FRMD4A: variants seen among roughly 807,000 people sequenced by gnomAD.
FRMD4A encodes the protein FERM domain-containing protein 4A.
FRMD4A carries 29 observed loss-of-function variants against 129.1 expected under a neutral mutation model. The observed-to-expected ratio is 0.22, with a 90% CI of 0.17 to 0.31. The LOEUF is 0.31. Among genes scored for constraint, FRMD4A ranks in the 10% least tolerant of loss-of-function variants. FRMD4A has a pLI of 1.00. For missense variants in FRMD4A, 1,272 were observed against 1,375.8 expected (o/e 0.92, Z 1.19); for synonymous variants, 634 against 571.6 (o/e 1.11, Z -1.56).
At chr10:14,151,364 C>T (rs868580526) in intron 2 of FRMD4A, among the ~76,000 whole-genome samples, 56 of 152,292 alleles carry the variant, frequency 3.7e-4, no homozygotes, top group African/African-American at 1.3e-3. Context: ...TGCAGCAACA[C>T]TGATGGAGCT....
chr10:13,895,831 A>G (rs1470162799), intron 2 of FRMD4A, among the ~76,000 whole-genome samples: 1 of 152,198 alleles, frequency 6.6e-6, no homozygotes, highest in Non-Finnish European at 1.5e-5. Flanking sequence ...AGAAAAAAAC[A>G]AACAAGCCCA....
intron 2 of FRMD4A, among the ~76,000 whole-genome samples, chr10:14,093,536 A>T (rs1028778627): frequency 1.3e-4 from 20 of 152,138 alleles, no homozygotes; most frequent in African/African-American, 3.6e-4. Flanking sequence ...GAAAACACAC[A>T]CTCACAATGC....
At chr10:13,893,647 G>T (rs935612818) in intron 2 of FRMD4A, among the ~76,000 whole-genome samples, 9 of 151,782 alleles carry the variant, frequency 5.9e-5, no homozygotes, top group East Asian at 1.9e-4. Context: ...TTAGCCTCCC[G>T]AGTAGCTGGG....
chr10:14,278,440 C>T (rs1417815057), intron 2 of FRMD4A, among the ~76,000 whole-genome samples: 2 of 152,158 alleles, frequency 1.3e-5, no homozygotes, highest in Non-Finnish European at 2.9e-5. Context: ...ATTTTGAAAA[C>T]ACTTATCAAA....
At chr10:14,019,419 C>A (rs544202872) in intron 2 of FRMD4A, among the ~76,000 whole-genome samples, 122 of 152,282 alleles carry the variant, frequency 8.0e-4, no homozygotes, top group African/African-American at 2.7e-3. Flanking sequence ...TAATGTATAA[C>A]ATTTCTCAGA....
chr10:13,910,888 G>GAAAAAAA (rs141449954), intron 2 of FRMD4A, among the ~76,000 whole-genome samples: 6 of 83,070 alleles, frequency 7.2e-5, no homozygotes, highest in African/African-American at 3.0e-4. Flanking sequence ...GGAGTTTCAT[G>GAAAAAAA]AAAAAAAAAA....
intron 23 of FRMD4A, 39 bp from the exon 24 acceptor site, chr10:13,652,013 T>G: frequency 9.1e-7 from 1 of 1,094,280 alleles, no homozygotes; most frequent in Non-Finnish European, 1.4e-6. Flanking sequence ...AGAAGAGAGG[T>G]CATGTTACAG....
intron 2 of FRMD4A, among the ~76,000 whole-genome samples, chr10:13,952,972 C>G (rs1157809540): frequency 6.6e-6 from 1 of 152,168 alleles, no homozygotes; most frequent in African/African-American, 2.4e-5. Context: ...GCTGGGATTA[C>G]AGGTGTGAGC....
At chr10:13,795,773 C>T (rs2093103478) in intron 5 of FRMD4A, among the ~76,000 whole-genome samples, 1 of 152,260 alleles carries the variant, frequency 6.6e-6, no homozygotes, top group Non-Finnish European at 1.5e-5. Flanking sequence ...ACTTTGCCAC[C>T]AATTCAGACT....
intron 2 of FRMD4A, among the ~76,000 whole-genome samples, chr10:14,303,296 T>C (rs1344058354): frequency 2.0e-5 from 3 of 152,092 alleles, no homozygotes; most frequent in Non-Finnish European, 4.4e-5. Context: ...TCACCAGGGG[T>C]CCTTGCTGAA....
At chr10:13,688,356 G>C (rs1451645882) in intron 15 of FRMD4A, among the ~76,000 whole-genome samples, 2 of 151,946 alleles carry the variant, frequency 1.3e-5, no homozygotes, top group Non-Finnish European at 2.9e-5. Context: ...AGAACACATG[G>C]ACACAGGAAG....
At chr10:14,194,899 A>G (rs569231926) in intron 2 of FRMD4A, among the ~76,000 whole-genome samples, 2 of 152,276 alleles carry the variant, frequency 1.3e-5, no homozygotes, top group South Asian at 4.2e-4. Context: ...TGCCCTTTGA[A>G]AAATAGCTTA....
intron 2 of FRMD4A, among the ~76,000 whole-genome samples, chr10:14,031,116 G>A (rs1452227980): frequency 2.0e-5 from 3 of 152,172 alleles, no homozygotes; most frequent in Non-Finnish European, 2.9e-5. Flanking sequence ...CAGGGATTCC[G>A]AGGTCGCCAC....
chr10:14,146,432 A>G (rs1415029383), intron 2 of FRMD4A, among the ~76,000 whole-genome samples: 2 of 151,954 alleles, frequency 1.3e-5, no homozygotes, highest in Non-Finnish European at 2.9e-5. Context: ...AACACAACAC[A>G]ACATGACTTA....
At chr10:14,309,499 G>C (rs1178576192) in intron 2 of FRMD4A, among the ~76,000 whole-genome samples, 2 of 152,102 alleles carry the variant, frequency 1.3e-5, no homozygotes, top group East Asian at 3.9e-4. Context: ...AAACCGTATA[G>C]AGTCACCAAA....
intron 2 of FRMD4A, among the ~76,000 whole-genome samples, chr10:14,091,622 A>G (rs1428346341): frequency 1.3e-5 from 2 of 152,118 alleles, no homozygotes; most frequent in Non-Finnish European, 2.9e-5. Flanking sequence ...TTTAGTAGAG[A>G]TGGGGTTTCA....
At chr10:14,268,158 G>A (rs1419588439) in intron 2 of FRMD4A, among the ~76,000 whole-genome samples, 1 of 152,084 alleles carries the variant, frequency 6.6e-6, no homozygotes, top group Admixed American at 6.5e-5. Flanking sequence ...AATAATTACT[G>A]TGTTCTTTAT....
At chr10:13,716,928 G>A (rs1222172284) in intron 12 of FRMD4A, among the ~76,000 whole-genome samples, 3 of 151,778 alleles carry the variant, frequency 2.0e-5, no homozygotes, top group Admixed American at 1.3e-4. Context: ...TTCAAGAGAA[G>A]CTGGAATTGT....
intron 4 of FRMD4A, among the ~76,000 whole-genome samples, chr10:13,808,160 T>C (rs556296636): frequency 6.6e-6 from 1 of 152,350 alleles, no homozygotes; most frequent in South Asian, 2.1e-4. Flanking sequence ...CTTGCACTTG[T>C]ACGGCACTTC....
Sources: allele counts gnomAD v4.1 joint callset (sites outside exome capture counted in the v4.1 genomes callset), GRCh38; gene constraint gnomAD v4.1.1; transcripts MANE v1.5; gene names NCBI Gene and HGNC (gene_info 2026-07-23, HGNC 2026-07-21).